The following ERMP1 variants were observed in gnomAD, a reference collection of about 807,000 sequenced individuals.
The protein encoded by ERMP1 is endoplasmic reticulum metallopeptidase 1.
A neutral mutation model predicts 92.0 loss-of-function variants in ERMP1; 86 were observed. The ratio of observed to expected loss-of-function variants is 0.93; its 90% CI spans 0.79 to 1.12. ERMP1 has a LOEUF of 1.12. Among genes scored for constraint, ERMP1 ranks in the 50% most tolerant of loss-of-function variants. The pLI is 0.00. For synonymous variants in ERMP1, 530 were observed against 412.8 expected, an observed-to-expected ratio of 1.28 and a Z score of -3.44; for missense variants, 1,342 against 1,116.3, an observed-to-expected ratio of 1.20 and a Z score of -2.88.
At chr9:5,798,751 A>G (rs1224042874) in intron 12 of ERMP1, 55 bp downstream of exon 12, 2 of 1,112,554 alleles carry the variant, frequency 1.8e-6, no homozygotes, top group Non-Finnish European at 2.7e-6. Flanking sequence ...GAGTACTGAT[A>G]TGGTGACAAG....
chr9:5,793,960 T>C (rs1463838113), intron 13 of ERMP1, among the ~76,000 whole-genome samples: 2 of 152,092 alleles, frequency 1.3e-5, no homozygotes, highest in African/African-American at 4.8e-5. Flanking sequence ...CATAAAGCCT[T>C]CTTCCAACAG....
chr9:5,856,104 G>C (rs1406306565), intron 6 of ERMP1: 11 of 371,310 alleles, frequency 3.0e-5, no homozygotes, highest in Admixed American at 6.5e-5. Context: ...GTTTCGAATG[G>C]AATCTTCAAA....
At chr9:5,817,140 C>T (rs1310554277) in intron 4 of ERMP1, among the ~76,000 whole-genome samples, 2 of 151,946 alleles carry the variant, frequency 1.3e-5, no homozygotes, top group South Asian at 2.1e-4. Flanking sequence ...CCTCGTGATC[C>T]GCCTGCCTCG....
At chr9:5,791,752 GC>G (rs1009144127) in intron 13 of ERMP1, among the ~76,000 whole-genome samples, 2 of 152,130 alleles carry the variant, frequency 1.3e-5, no homozygotes, top group Non-Finnish European at 2.9e-5. Context: ...AAAAACAGTT[GC>G]TAAATTTAAC....
At chr9:5,830,230 T>C (rs564147195) in intron 2 of ERMP1, among the ~76,000 whole-genome samples, 75 of 152,264 alleles carry the variant, frequency 4.9e-4, no homozygotes, top group African/African-American at 1.7e-3. Flanking sequence ...TTAGTGTATA[T>C]TATGTGTGGC....
intron 6 of ERMP1, among the ~76,000 whole-genome samples, chr9:5,852,497 C>CTT (rs1830321986): frequency 1.3e-5 from 2 of 151,988 alleles, no homozygotes; most frequent in African/African-American, 4.8e-5. Context: ...CTCAAGTAAT[C>CTT]CAGCTGCCTC....
chr9:5,804,083 TTACTA>T (rs1828777938), intron 10 of ERMP1, among the ~76,000 whole-genome samples: 1 of 152,162 alleles, frequency 6.6e-6, no homozygotes, highest in Non-Finnish European at 1.5e-5. Context: ...CGAATGCCCT[TTACTA>T]TATCAGTATG....
intron 13 of ERMP1, among the ~76,000 whole-genome samples, chr9:5,792,738 A>T (rs1291169009): frequency 6.6e-6 from 1 of 152,214 alleles, no homozygotes; most frequent in Non-Finnish European, 1.5e-5. Flanking sequence ...TTATGTTATA[A>T]GGTATCTGCA....
At chr9:5,810,968 T>A (rs1829067592) in intron 7 of ERMP1, 143 bp downstream of exon 7, 1 of 565,018 alleles carries the variant, frequency 1.8e-6, no homozygotes, top group African/African-American at 1.9e-5. Flanking sequence ...ATTAATTTAA[T>A]ATTTAAAAAT....
intron 6 of ERMP1, among the ~76,000 whole-genome samples, chr9:5,843,763 G>C (rs1444959299): frequency 1.3e-5 from 2 of 152,336 alleles, no homozygotes; most frequent in East Asian, 3.9e-4. Flanking sequence ...TTCTGAAATG[G>C]AGTCTTCTCT....
At chr9:5,808,906 T>G (rs1326701880) in intron 8 of ERMP1, among the ~76,000 whole-genome samples, 1 of 151,860 alleles carries the variant, frequency 6.6e-6, no homozygotes, top group Non-Finnish European at 1.5e-5. Flanking sequence ...CCTGGCTAAT[T>G]TTTTGTATTT....
At chr9:5,834,345 A>G (rs185791987), upstream of ERMP1, among the ~76,000 whole-genome samples, 17 of 152,184 alleles carry the variant, frequency 1.1e-4, no homozygotes, top group Admixed American at 7.9e-4. Flanking sequence ...TGCTTCCCCT[A>G]TTTGTAGGAT....
Position 5,787,120 on chromosome 9 carries a change from T to G in ERMP1, c.*24A>C. On this transcript the variant is annotated 3_prime_UTR_variant, in exon 15 of 15. Coordinates refer to ENST00000339450, the MANE Select transcript of ERMP1 (RefSeq NM_024896.3). ...TGTCACATGGAGTATCCACTGGGCATGTACTTAGAGCTCATCCACAAGATT... is the reference window on the plus strand; with the variant it reads ...TGTCACATGGAGTATCCACTGGGCAGGTACTTAGAGCTCATCCACAAGATT... 1 of 1,602,120 alleles carries G rather than the reference T, an allele frequency of 6.2e-7. No homozygotes were observed. Among genetic ancestry groups the G allele is most frequent in the South Asian group, 1.1e-5 (1 of 88,994 alleles).
intron 13 of ERMP1, among the ~76,000 whole-genome samples, chr9:5,797,416 G>A (rs1035806102): frequency 9.9e-5 from 15 of 151,974 alleles, no homozygotes; most frequent in Admixed American, 3.3e-4. Flanking sequence ...TTGGGAGGCC[G>A]AGGCAGGCAG....
intron 6 of ERMP1, among the ~76,000 whole-genome samples, chr9:5,838,455 G>A (rs1213740690): frequency 6.6e-6 from 1 of 151,936 alleles, no homozygotes; most frequent in Non-Finnish European, 1.5e-5. Flanking sequence ...TGAGGTGAGA[G>A]GATCGCTTCC....
chr9:5,849,133 C>T (rs1830275787), intron 6 of ERMP1, among the ~76,000 whole-genome samples: 1 of 152,230 alleles, frequency 6.6e-6, no homozygotes, highest in African/African-American at 2.4e-5. Flanking sequence ...ACCAAGCCTC[C>T]TGACTGGGCT....
rs750645912 is a variant in ERMP1 at position 5,810,157 on chromosome 9, C to T, written c.1402G>A (p.Val468Ile). The change falls in exon 8 of 15, where the codon GTT becomes ATT. Residue 468 changes from valine (V) to isoleucine (I), a missense_variant. Physicochemically the swap from Val to Ile is conservative, Grantham distance 29 (BLOSUM62 3). Coordinates refer to ENST00000339450, the MANE Select transcript of ERMP1 (RefSeq NM_024896.3). ...GAGATGAACACTGCTATAATGAGAA[C>T]GGTAACAAGGCTAGTGAACCAGCTG... ...LISWFTSLVT[V>I]LIIAVFISLI... 6.2e-6 allele frequency: 10 copies of T among 1,613,886 alleles called. No individual in the cohort carries two copies. The highest frequency in any genetic ancestry group is 2.2e-5 in the South Asian group (2 of 91,076).
chr9:5,823,951 T>C lies in ERMP1; in HGVS notation c.819A>G (p.Ala273=), dbSNP rs765713269. The C allele has an allele frequency of 6.2e-7, 1 of 1,614,192 alleles. No homozygotes were observed. ...TQHPWASLIR[A]FINLEAAGVG... ...CACCTGCTGCCTCTAGGTTAATGAA[T>C]GCACGAATCAAGCTAGCCCAGGGGT... The change falls in exon 4 of 15, where the codon GCA becomes GCG. Residue 273 remains alanine (A), a synonymous_variant. Coordinates refer to ENST00000339450, the MANE Select transcript of ERMP1 (RefSeq NM_024896.3).
rs1369915258 is a variant in ERMP1, at chr9:5,805,041, G to T, written c.1900C>A (p.Leu634Ile). 3.1e-6 allele frequency: 5 copies of T among 1,604,584 alleles called. No individual in the cohort carries two copies. The highest frequency in any genetic ancestry group is 3.4e-6 in the Non-Finnish European group (4 of 1,177,772). ...TTTTCTCTTACAAAATAGGACGAGA[G>T]AATCATTGTACAGCCAGCCAAAATG... ...ASILAGCTMI[L>I]SSYFINFIYL... is the part of the protein sequence containing the mutation. Residue 634 changes from leucine (L) to isoleucine (I), a missense_variant, in exon 10 of 15, where the codon CTC (leucine) becomes ATC (isoleucine). Physicochemically the swap from Leu to Ile is conservative, Grantham distance 5. Coordinates refer to ENST00000339450, the MANE Select transcript of ERMP1 (RefSeq NM_024896.3).
Sources: allele counts gnomAD v4.1 joint callset (sites outside exome capture counted in the v4.1 genomes callset), GRCh38; gene constraint gnomAD v4.1.1; transcripts MANE v1.5; gene names NCBI Gene and HGNC (gene_info 2026-07-23, HGNC 2026-07-21).